Variants in PASK observed in about 807,000 individuals in gnomAD.
The protein encoded by PASK is PAS domain containing serine/threonine kinase, also known as PAS domain-containing serine/threonine-protein kinase.
In PASK, 110 loss-of-function variants were observed where a neutral mutation model predicts 121.0. The ratio of observed to expected loss-of-function variants is 0.91; its 90% confidence interval spans 0.78 to 1.06. The LOEUF (loss-of-function observed/expected upper bound fraction) is 1.06, where lower values mean the gene tolerates loss of function less well. PASK is among the 50% of genes least tolerant of loss of function. The pLI is 0.00. For synonymous variants in PASK, 686 were observed against 717.8 expected (o/e 0.96, Z 0.71); for missense variants, 1,643 against 1,702.3 (o/e 0.97, Z 0.61).
intron 12 of PASK, among the ~76,000 whole-genome samples, chr2:241,120,461 C>A (rs1379167915): frequency 7.0e-6 from 1 of 142,960 alleles, no homozygotes; most frequent in Non-Finnish European, 1.6e-5. Flanking sequence ...CCACTGCACT[C>A]CAGCCTGGGC....
Position 241,108,054 on chromosome 2 carries a change from A to G in PASK, c.3667+113T>C. 1 of 1,004,768 alleles carries G rather than the reference A, an allele frequency of 1.0e-6. No individual in the cohort carries two copies. The highest frequency in any genetic ancestry group is 1.6e-6 in the Non-Finnish European group (1 of 629,466). The allele number at this position is 1,004,768 out of a possible 1,614,324, so 62.2% of individuals were successfully genotyped here. On this transcript the variant is annotated intron_variant, in intron 16 of 17. Coordinates refer to ENST00000234040, the MANE Select transcript of PASK (RefSeq NM_015148.4). The surrounding 1 kb of genome is among the most constrained non-coding windows in gnomAD (Gnocchi z 5.2). ...TTATTTGATGAATAGAAAAGAAACAAATGAGACTGTTGATATGGACAGAGA... is the reference window on the plus strand; with the variant it reads ...TTATTTGATGAATAGAAAAGAAACAGATGAGACTGTTGATATGGACAGAGA...
At chr2:241,135,642 G>A (rs573855919) in intron 8 of PASK, among the ~76,000 whole-genome samples, 131 of 151,924 alleles carry the variant, frequency 8.6e-4, no homozygotes, top group Admixed American at 3.1e-3. Context: ...ACTCTTGGGG[G>A]GTTTTCTATT....
At chr2:241,110,496 G>T (rs1038207350) in intron 15 of PASK, among the ~76,000 whole-genome samples, 3 of 152,340 alleles carry the variant, frequency 2.0e-5, no homozygotes, top group African/African-American at 7.2e-5. Context: ...GCAGGCCCAG[G>T]AGCAGTACAC....
At chr2:241,114,653 C>G (rs2065248051) in intron 14 of PASK, 8 of 1,149,834 alleles carry the variant, frequency 7.0e-6, no homozygotes, top group Non-Finnish European at 8.6e-6. Flanking sequence ...ACCTCAACAG[C>G]CACCATTTAG....
intron 8 of PASK, chr2:241,133,384 C>T: frequency 2.7e-6 from 1 of 372,784 alleles, no homozygotes; most frequent in Non-Finnish European, 5.2e-6. Context: ...GGTCTCTCCA[C>T]CTGGCCTCCC....
intron 15 of PASK, chr2:241,109,244 A>C (rs1372428159): frequency 1.3e-5 from 2 of 152,406 alleles, no homozygotes; most frequent in Non-Finnish European, 2.9e-5. Flanking sequence ...TCCTCACAAC[A>C]ACCTAGCAAG....
chr2:241,139,677 T>C, intron 4 of PASK: 1 of 706,872 alleles, frequency 1.4e-6, no homozygotes, highest in Non-Finnish European at 2.6e-6. Flanking sequence ...TGTCCATTCC[T>C]GCGATGATTC....
At chr2:241,114,731 T>G in intron 14 of PASK, 1 of 1,371,854 alleles carries the variant, frequency 7.3e-7, no homozygotes, top group Non-Finnish European at 9.4e-7. Context: ...GGCTGCATCC[T>G]AACCCTTACT....
chr2:241,138,609 C>T (rs1255586620), intron 5 of PASK, 45 bp downstream of exon 5: 4 of 1,610,688 alleles, frequency 2.5e-6, no homozygotes, highest in African/African-American at 1.3e-5. Context: ...GAGAACGACG[C>T]CGGCTCCAGC....
intron 15 of PASK, among the ~76,000 whole-genome samples, chr2:241,111,211 A>G (rs3815299): frequency 0.23 from 35,589 of 152,158 alleles, 6,499 homozygotes; most frequent in African/African-American, 0.49. Flanking sequence ...GCCTCAGGCC[A>G]CCAGGTCAGG....
chr2:241,132,913 C>T lies in PASK; in HGVS notation c.1424G>A (p.Gly475Asp). The change falls in exon 9 of 18, where the codon GGC (glycine) becomes GAC (aspartate). Residue 475 changes from glycine (G) to aspartate (D), a missense_variant. Transcript: ENST00000234040. Reference protein sequence around the residue: ...TGTQTELIAGGQLLSCLSPQP... With the variant: ...TGTQTELIAGDQLLSCLSPQP... ...AGGTGAGAGGCAGGAAAGGAGCTGGCCTCCAGCAATCAGCTCAGTCTGAGT... is the reference window on the plus strand; with the variant it reads ...AGGTGAGAGGCAGGAAAGGAGCTGGTCTCCAGCAATCAGCTCAGTCTGAGT... 2 of 1,614,018 alleles carry T rather than the reference C, an allele frequency of 1.2e-6. No homozygotes were observed. Among genetic ancestry groups the T allele is most frequent in the Non-Finnish European group, 1.7e-6 (2 of 1,179,894 alleles).
At chr2:241,114,278 G>A in intron 14 of PASK, 1 of 985,346 alleles carries the variant, frequency 1.0e-6, no homozygotes, top group Non-Finnish European at 1.2e-6. Flanking sequence ...CAACCCGAGA[G>A]TGTGTAGCTT....
At chr2:241,116,396 G>A (rs1040519039) in intron 12 of PASK, among the ~76,000 whole-genome samples, 1 of 152,260 alleles carries the variant, frequency 6.6e-6, no homozygotes, top group Non-Finnish European at 1.5e-5. Context: ...GGAGAATCCA[G>A]GTGGAGCTGA....
In PASK at chr2:241,108,226, A is replaced by T; in HGVS notation, c.3608T>A (p.Phe1203Tyr). ...LYTLVFEENP[F>Y]CELEETVEAA... ...CTCCACGGTCTCCTCCAGCTCACAG[A>T]AGGGGTTCTCCTCAAAGACCAGCGT... is the stretch of plus-strand genomic sequence containing the variant. The change falls in exon 16 of 18, where the codon TTC becomes TAC. Residue 1203 changes from phenylalanine (F) to tyrosine (Y), a missense_variant. Physicochemically the swap from Phe to Tyr is conservative, Grantham distance 22. Around this residue, in one of 3 missense-constraint regions of PASK, gnomAD observed 453 missense variants for 511.2 expected, o/e 0.89. Coordinates refer to ENST00000234040, the MANE Select transcript of PASK (RefSeq NM_015148.4). The surrounding 1 kb of genome is among the most constrained non-coding windows in gnomAD (Gnocchi z 5.2). 1 of 1,613,900 alleles carries T rather than the reference A, an allele frequency of 6.2e-7. No individual in the cohort carries two copies. Among genetic ancestry groups the T allele is most frequent in the Non-Finnish European group, 8.5e-7 (1 of 1,179,902 alleles).
chr2:241,120,493 A>T (rs2065558923), intron 12 of PASK, among the ~76,000 whole-genome samples: 1 of 147,032 alleles, frequency 6.8e-6, no homozygotes, highest in South Asian at 2.1e-4. Context: ...ACTCTGTCTC[A>T]AAAGAAAAAA....
chr2:241,131,722 C>A (rs16842419), intron 9 of PASK, among the ~76,000 whole-genome samples: 5,776 of 152,126 alleles, frequency 0.038, 309 homozygotes, highest in East Asian at 0.21. Context: ...GCCACCTGGG[C>A]ACCTACAGTT....
rs758989346 is a variant in PASK at position 241,132,950 on chromosome 2, T to C, written c.1387A>G (p.Ile463Val). The part of the protein sequence containing the change: ...EIRKLMESQD[I>V]FTGTQTELIA... ...AGCTCAGTCTGAGTCCCGGTGAAGA[T>C]GTCTTGGCTTTCCATCAGCTTCCGG... The change falls in exon 9 of 18, where the codon ATC becomes GTC. Residue 463 changes from isoleucine to valine, a missense_variant. Physicochemically the swap from Ile to Val is conservative, Grantham distance 29 (BLOSUM62 3). Coordinates refer to ENST00000234040, the MANE Select transcript of PASK (RefSeq NM_015148.4). 2 of 1,613,856 alleles carry C rather than the reference T, an allele frequency of 1.2e-6. No homozygotes were observed. The highest frequency in any genetic ancestry group is 1.3e-5 in the African/African-American group (1 of 74,896).
At chr2:241,114,232 A>T in intron 14 of PASK, 1 of 985,434 alleles carries the variant, frequency 1.0e-6, no homozygotes, top group Non-Finnish European at 1.2e-6. Flanking sequence ...GAAACTTACA[A>T]GTAGGAGCCT....
In PASK at chr2:241,115,358, T is replaced by A; in HGVS notation, c.3128A>T (p.Asp1043Val). Residue 1043 changes from aspartate to valine, a missense_variant, in exon 13 of 18, where the codon GAT becomes GTT. Around this residue, in one of 3 missense-constraint regions of PASK, gnomAD observed 453 missense variants for 511.2 expected, o/e 0.89. Coordinates refer to ENST00000234040, the MANE Select transcript of PASK (RefSeq NM_015148.4). Reference protein sequence around the residue: ...EKVLEDCWIEDPKLGKVTLEI... With the variant: ...EKVLEDCWIEVPKLGKVTLEI... ...TAAAGTAACTTTCCCAAGTTTGGGA[T>A]CCTCAATCCAACAATCCTCCAAGAC... 6.2e-7 allele frequency: 1 copy of A among 1,613,714 alleles called. No homozygotes were observed. Among genetic ancestry groups the A allele is most frequent in the Non-Finnish European group, 8.5e-7 (1 of 1,179,688 alleles).
Sources: gnomAD v4.1 joint callset for allele counts (sites outside exome capture counted in the v4.1 genomes callset) on GRCh38, gnomAD v4.1.1 for gene constraint, gnomAD v4.1.1 regional missense constraint, Gnocchi (gnomAD v3.1) non-coding constraint, MANE v1.5 for transcripts, NCBI Gene and HGNC (gene_info 2026-07-23, HGNC 2026-07-21) for gene names.